The following SUPT3H variants were observed in gnomAD, a reference collection of about 807,000 sequenced individuals.
SUPT3H encodes the protein transcription initiation protein SPT3 homolog.
A neutral mutation model predicts 44.3 loss-of-function variants in SUPT3H; 44 were observed. The ratio of observed to expected loss-of-function variants is 0.99; its 90% confidence interval spans 0.78 to 1.28. The LOEUF (loss-of-function observed/expected upper bound fraction) is 1.28, where lower values mean the gene tolerates loss of function less well. Ranked by LOEUF, SUPT3H falls within the 50% of genes most tolerant of loss-of-function variation. The pLI is 0.00. For synonymous variants in SUPT3H, 124 were observed against 125.6 expected, an observed-to-expected ratio of 0.99 and a Z score of 0.09; for missense variants, 380 against 387.1, an observed-to-expected ratio of 0.98 and a Z score of 0.15.
intron 2 of SUPT3H, among the ~76,000 whole-genome samples, chr6:45,322,569 A>G (rs2150041136): frequency 6.6e-6 from 1 of 152,194 alleles, no homozygotes; most frequent in African/African-American, 2.4e-5. Flanking sequence ...TTCATTTTCA[A>G]TATATTTTCT....
chr6:45,027,650 A>T (rs949303852), intron 3 of SUPT3H, among the ~76,000 whole-genome samples: 1 of 152,182 alleles, frequency 6.6e-6, no homozygotes, highest in Middle Eastern at 3.2e-3. Flanking sequence ...TCAAACTACA[A>T]CATCTTTTTC....
At chr6:45,156,040 C>T (rs1807762519) in intron 2 of SUPT3H, among the ~76,000 whole-genome samples, 1 of 151,924 alleles carries the variant, frequency 6.6e-6, no homozygotes, top group Non-Finnish European at 1.5e-5. Flanking sequence ...CTCAACATGA[C>T]CCATCTATGT....
intron 3 of SUPT3H, among the ~76,000 whole-genome samples, chr6:45,022,811 C>A (rs911525802): frequency 3.9e-5 from 6 of 151,968 alleles, no homozygotes; most frequent in Non-Finnish European, 8.8e-5. Context: ...ACCCCCATAC[C>A]AAAATACTCA....
chr6:44,898,784 C>A (rs543548088), intron 10 of SUPT3H: 1 of 152,290 alleles, frequency 6.6e-6, no homozygotes, highest in Non-Finnish European at 1.5e-5. Flanking sequence ...ACGCCTTTCA[C>A]GTGCAGTGGC....
chr6:45,308,755 T>G (rs1188393881), intron 2 of SUPT3H, among the ~76,000 whole-genome samples: 2 of 11,922 alleles, frequency 1.7e-4, no homozygotes, highest in Non-Finnish European at 2.8e-4. Context: ...AAAAATAAAT[T>G]TAAAAAAAAA....
At chr6:45,320,511 A>G (rs902739582) in intron 2 of SUPT3H, among the ~76,000 whole-genome samples, 1 of 150,794 alleles carries the variant, frequency 6.6e-6, no homozygotes, top group African/African-American at 2.4e-5. Flanking sequence ...ACTCCTGGGG[A>G]CAAGTGATCC....
At chr6:45,226,290 CAATAT>C (rs201833542) in intron 2 of SUPT3H, among the ~76,000 whole-genome samples, 1,806 of 152,146 alleles carry the variant, frequency 0.012, 23 homozygotes, top group Middle Eastern at 0.041. Context: ...GTACACTATA[CAATAT>C]GACTCTAAGC....
intron 10 of SUPT3H, among the ~76,000 whole-genome samples, chr6:44,906,643 T>A (rs1766134181): frequency 6.6e-6 from 1 of 152,020 alleles, no homozygotes; most frequent in Non-Finnish European, 1.5e-5. Context: ...GCCCCTATAA[T>A]CCCAGTTACT....
intron 2 of SUPT3H, among the ~76,000 whole-genome samples, chr6:45,160,810 G>A (rs998922293): frequency 6.6e-6 from 1 of 152,080 alleles, no homozygotes; most frequent in Non-Finnish European, 1.5e-5. Context: ...GTCTTGATAT[G>A]AATCTCCCCC....
intron 2 of SUPT3H, among the ~76,000 whole-genome samples, chr6:45,139,747 A>G (rs1804866066): frequency 6.6e-6 from 1 of 152,208 alleles, no homozygotes; most frequent in Non-Finnish European, 1.5e-5. Context: ...CTCCCAGTCT[A>G]TAACATGAGC....
chr6:45,248,285 T>C (rs1771734180), intron 2 of SUPT3H, among the ~76,000 whole-genome samples: 1 of 152,254 alleles, frequency 6.6e-6, no homozygotes, highest in East Asian at 1.9e-4. Context: ...AAAGATGCTG[T>C]TGGAAAAATG....
At chr6:44,885,165 G>T (rs1169512553) in intron 10 of SUPT3H, among the ~76,000 whole-genome samples, 3 of 152,304 alleles carry the variant, frequency 2.0e-5, no homozygotes, top group Non-Finnish European at 4.4e-5. Flanking sequence ...GCCTGCCTCT[G>T]TAGGCTCCAC....
intron 2 of SUPT3H, among the ~76,000 whole-genome samples, chr6:45,330,717 AC>A (rs1323164167): frequency 1.3e-5 from 2 of 151,562 alleles, no homozygotes; most frequent in African/African-American, 2.4e-5. Context: ...ATGGTAGTGA[AC>A]CTTTTTTTTT....
At chr6:45,316,375 A>G (rs1475571346) in intron 2 of SUPT3H, among the ~76,000 whole-genome samples, 1 of 150,230 alleles carries the variant, frequency 6.7e-6, no homozygotes, top group Non-Finnish European at 1.5e-5. Context: ...GGGGATGTCT[A>G]TGTTGAAAGC....
chr6:45,326,952 C>A (rs1212227051), intron 2 of SUPT3H, among the ~76,000 whole-genome samples: 1 of 151,646 alleles, frequency 6.6e-6, no homozygotes, highest in African/African-American at 2.4e-5. Flanking sequence ...GGATAAATGG[C>A]AAAAAAATGC....
rs920234239 is a variant in SUPT3H at position 45,204,057 on chromosome 6, G to A, written c.102-98051C>T. Among the ~76,000 whole-genome samples the A allele has an allele frequency of 1.6e-4, 24 of 152,104 alleles. No homozygotes were observed. The South Asian group carries it at 2.7e-3, about 17-fold the overall frequency. ...GAGGTTAGGAGTTCAAGACCAGCTGGCCAACATTGTGAAACCCCATCTCTA... is the reference window on the plus strand; with the variant it reads ...GAGGTTAGGAGTTCAAGACCAGCTGACCAACATTGTGAAACCCCATCTCTA... On this transcript the variant is annotated intron_variant, in intron 2 of 10. Coordinates refer to ENST00000371459, the MANE Select transcript of SUPT3H (RefSeq NM_003599.4).
intron 10 of SUPT3H, among the ~76,000 whole-genome samples, chr6:44,853,013 A>G (rs1734478752): frequency 6.6e-6 from 1 of 152,210 alleles, no homozygotes; most frequent in Admixed American, 6.5e-5. Context: ...TAGTGGCTGT[A>G]GAAAGTATGT....
chr6:45,340,196 CAAG>C (rs1789459828), intron 2 of SUPT3H, among the ~76,000 whole-genome samples: 1 of 152,114 alleles, frequency 6.6e-6, no homozygotes, highest in South Asian at 2.1e-4. Context: ...AAAATACAAA[CAAG>C]AAGATAATCC....
intron 2 of SUPT3H, among the ~76,000 whole-genome samples, chr6:45,112,746 T>A (rs535406118): frequency 2.6e-5 from 4 of 152,138 alleles, no homozygotes; most frequent in Non-Finnish European, 5.9e-5. Flanking sequence ...GCTGGGCCAG[T>A]CACCAAGCAT....
Sources: gnomAD v4.1 joint callset for allele counts (sites outside exome capture counted in the v4.1 genomes callset) on GRCh38, gnomAD v4.1.1 for gene constraint, MANE v1.5 for transcripts, NCBI Gene and HGNC (gene_info 2026-07-23, HGNC 2026-07-21) for gene names.